The following RNGTT variants were observed in gnomAD, a reference collection of about 807,000 sequenced individuals.
The protein encoded by RNGTT is mRNA-capping enzyme.
A neutral mutation model predicts 79.3 loss-of-function variants in RNGTT; 33 were observed. That is an observed-to-expected ratio of 0.42 (90% CI 0.32 to 0.56). The LOEUF (loss-of-function observed/expected upper bound fraction) is 0.56, where lower values mean the gene tolerates loss of function less well. RNGTT is among the 20% of genes least tolerant of loss of function. The pLI is 0.17. For synonymous variants in RNGTT, 222 were observed against 235.9 expected (o/e 0.94, Z 0.54); for missense variants, 497 against 739.1 (o/e 0.67, Z 3.80).
intron 8 of RNGTT, among the ~76,000 whole-genome samples, chr6:88,859,519 A>T (rs1334170479): frequency 2.6e-5 from 4 of 152,160 alleles, no homozygotes; most frequent in Admixed American, 6.6e-5. Context: ...GAATGCTCTA[A>T]CCTCTAAGGA....
intron 13 of RNGTT, among the ~76,000 whole-genome samples, chr6:88,723,491 C>G (rs528961120): frequency 6.6e-6 from 1 of 152,288 alleles, no homozygotes; most frequent in South Asian, 2.1e-4. Context: ...TATTTTCATA[C>G]TTTCTCTAAT....
chr6:88,851,972 C>T lies in RNGTT; in HGVS notation c.1032+1657G>A, dbSNP rs116238485. ...GATGGTTAAATATCTAATTTTTAAG[C>T]ATTATTTCCTACCTAGAATGCCCTC... On this transcript the variant is annotated intron_variant, in intron 9 of 15. Transcript: ENST00000369485. Among the ~76,000 whole-genome samples, 503 of 152,014 alleles carry T rather than the reference C, an allele frequency of 3.3e-3. 7 individuals carry two copies. The highest frequency in any genetic ancestry group is 0.012 in the African/African-American group (484 of 41,488).
chr6:88,917,483 G>T (rs1025255697), intron 4 of RNGTT, among the ~76,000 whole-genome samples: 4 of 152,036 alleles, frequency 2.6e-5, no homozygotes, highest in African/African-American at 7.2e-5. Context: ...GAAAATGAAA[G>T]GGTCAAAATC....
At chr6:88,846,349 AT>A (rs1279868574) in intron 10 of RNGTT, among the ~76,000 whole-genome samples, 1 of 152,232 alleles carries the variant, frequency 6.6e-6, no homozygotes, top group African/African-American at 2.4e-5. Context: ...ACAATGCCTT[AT>A]TACATAAAGA....
At chr6:88,753,938 A>AG (rs2127831863) in intron 13 of RNGTT, among the ~76,000 whole-genome samples, 1 of 152,310 alleles carries the variant, frequency 6.6e-6, no homozygotes, top group South Asian at 2.1e-4. Context: ...AAGTTAAAAT[A>AG]GAACATATGG....
intron 13 of RNGTT, among the ~76,000 whole-genome samples, chr6:88,718,959 A>G (rs949636195): frequency 5.1e-4 from 78 of 152,190 alleles, no homozygotes; most frequent in African/African-American, 1.9e-3. Context: ...TCATAGTATA[A>G]AAATGGTTAA....
chr6:88,737,240 A>G (rs557502904), intron 13 of RNGTT, among the ~76,000 whole-genome samples: 1 of 152,278 alleles, frequency 6.6e-6, no homozygotes, highest in Admixed American at 6.5e-5. Context: ...TTAGAATGGG[A>G]ATGTTTATCC....
intron 13 of RNGTT, among the ~76,000 whole-genome samples, chr6:88,685,308 C>T (rs1003258858): frequency 1.3e-5 from 2 of 152,058 alleles, no homozygotes; most frequent in African/African-American, 4.8e-5. Context: ...AGTAATATAA[C>T]CAATTTGTCC....
chr6:88,646,138 C>T (rs1408372216), intron 14 of RNGTT, among the ~76,000 whole-genome samples: 1 of 152,062 alleles, frequency 6.6e-6, no homozygotes, highest in Non-Finnish European at 1.5e-5. Flanking sequence ...AGAACTCAAA[C>T]AAATTTACAA....
intron 4 of RNGTT, among the ~76,000 whole-genome samples, chr6:88,916,778 AG>A (rs1160289956): frequency 3.3e-5 from 5 of 152,204 alleles, no homozygotes; most frequent in African/African-American, 1.2e-4. Context: ...TACTATGTGG[AG>A]GCCAAAGCAA....
At chr6:88,711,017 T>G (rs1776300458) in intron 13 of RNGTT, among the ~76,000 whole-genome samples, 1 of 152,186 alleles carries the variant, frequency 6.6e-6, no homozygotes. Context: ...ATTTCTAATT[T>G]CAAATGAACA....
chr6:88,886,903 TAA>T (rs1782878378), intron 8 of RNGTT, among the ~76,000 whole-genome samples: 2 of 152,122 alleles, frequency 1.3e-5, no homozygotes, highest in African/African-American at 4.8e-5. Context: ...TCAAATCCAT[TAA>T]AGTTTCCTGT....
At chr6:88,944,481 C>T (rs1438825791) in intron 1 of RNGTT, among the ~76,000 whole-genome samples, 1 of 152,094 alleles carries the variant, frequency 6.6e-6, no homozygotes, top group African/African-American at 2.4e-5. Context: ...TAAAAATCCT[C>T]CCTTCTGCTC....
intron 13 of RNGTT, among the ~76,000 whole-genome samples, chr6:88,698,211 AAT>A (rs1461348506): frequency 0.017 from 1,775 of 105,256 alleles, 84 homozygotes; most frequent in South Asian, 0.027. Context: ...ATATATATGA[AAT>A]ATATATATCA....
intron 13 of RNGTT, among the ~76,000 whole-genome samples, chr6:88,711,656 A>G (rs1010738821): frequency 1.3e-5 from 2 of 152,222 alleles, no homozygotes; most frequent in African/African-American, 4.8e-5. Context: ...ACTTGCAGAG[A>G]GTCAGCCTTT....
Position 88,804,804 on chromosome 6 carries a change from C to T in RNGTT, c.1270-3172G>A, listed in dbSNP as rs915522921. Among the ~76,000 whole-genome samples, 3 of 151,978 alleles carry T rather than the reference C, an allele frequency of 2.0e-5. 1 individual carries two copies. The South Asian group carries it at 6.2e-4, about 32-fold the overall frequency. On this transcript the variant is annotated intron_variant, in intron 11 of 15. Transcript: ENST00000369485. ...TAGAGCCAACTTTTAAGTCATTTAG[C>T]CAGTTTCCATTATTTTTCCTGCTGC...
chr6:88,806,091 T>C (rs1779943886), intron 11 of RNGTT, among the ~76,000 whole-genome samples: 1 of 152,148 alleles, frequency 6.6e-6, no homozygotes, highest in Admixed American at 6.5e-5. Flanking sequence ...CCTCAGTCTC[T>C]TTTGTTCATA....
At chr6:88,706,489 C>A (rs1292855014) in intron 13 of RNGTT, among the ~76,000 whole-genome samples, 3 of 151,922 alleles carry the variant, frequency 2.0e-5, no homozygotes, top group Non-Finnish European at 2.9e-5. Context: ...CTAATAGATT[C>A]CTTGTCAGAT....
intron 11 of RNGTT, among the ~76,000 whole-genome samples, chr6:88,802,130 G>C (rs1176556460): frequency 1.3e-5 from 2 of 152,130 alleles, no homozygotes; most frequent in Non-Finnish European, 2.9e-5. Context: ...CAAACATGAA[G>C]ATTATAGTCC....
Sources: gnomAD v4.1 joint callset for allele counts (sites outside exome capture counted in the v4.1 genomes callset) on GRCh38, gnomAD v4.1.1 for gene constraint, MANE v1.5 for transcripts, NCBI Gene and HGNC (gene_info 2026-07-23, HGNC 2026-07-21) for gene names.